The following STK38L variants were observed in gnomAD, a reference collection of about 807,000 sequenced individuals.
The protein encoded by STK38L is serine/threonine-protein kinase 38-like.
STK38L carries 28 observed loss-of-function variants against 59.7 expected under a neutral mutation model. The observed-to-expected ratio is 0.47, with a 90% confidence interval of 0.35 to 0.64. STK38L has a LOEUF of 0.64. Ranked by LOEUF, STK38L falls within the 30% of genes least tolerant of loss-of-function variation. The pLI is 0.01. For synonymous variants in STK38L, 162 were observed against 176.8 expected (o/e 0.92, Z 0.66); for missense variants, 314 against 555.8 (o/e 0.56, Z 4.37).
At chr12:27,255,588 A>G (rs1459354901) in intron 1 of STK38L, among the ~76,000 whole-genome samples, 1 of 152,202 alleles carries the variant, frequency 6.6e-6, no homozygotes, top group Non-Finnish European at 1.5e-5. Context: ...ATCATCTCCA[A>G]CAAGTGGATG....
intron 1 of STK38L, among the ~76,000 whole-genome samples, chr12:27,255,293 T>C (rs754116806): frequency 1.5e-4 from 23 of 152,190 alleles, no homozygotes; most frequent in Non-Finnish European, 2.9e-4. Flanking sequence ...AAAATAGGGC[T>C]AAGAAATTAG....
Position 27,244,540 on chromosome 12 carries a change from A to G in STK38L, c.-12+208A>G, listed in dbSNP as rs190870378. Among the ~76,000 whole-genome samples the G allele has an allele frequency of 3.5e-3, 529 of 152,276 alleles. 7 individuals carry two copies. Among genetic ancestry groups the G allele is most frequent in the African/African-American group, 0.011 (478 of 41,578 alleles). On this transcript the variant is annotated intron_variant, in intron 1 of 13. Transcript: ENST00000389032. ...GGGGTGATACTGGCCCCATGTGTCC[A>G]GAGAGGGAGCCTCGCACCCGGGGAG...
chr12:27,289,860 C>T (rs189221447), intron 1 of STK38L, among the ~76,000 whole-genome samples: 19 of 152,298 alleles, frequency 1.2e-4, no homozygotes, highest in African/African-American at 4.6e-4. Flanking sequence ...TCTTTTTTTA[C>T]TTTAAATATT....
chr12:27,262,931 T>C (rs1431303588), intron 1 of STK38L, among the ~76,000 whole-genome samples: 1 of 151,956 alleles, frequency 6.6e-6, no homozygotes, highest in Admixed American at 6.6e-5. Context: ...CCCGAGTAGC[T>C]GGGATTACAG....
chr12:27,270,869 A>G (rs567195847), intron 1 of STK38L, among the ~76,000 whole-genome samples: 49 of 152,268 alleles, frequency 3.2e-4, no homozygotes, highest in African/African-American at 1.2e-3. Flanking sequence ...GTAATATGTA[A>G]CTTGCTGACC....
chr12:27,313,236 G>A (rs1487704849), intron 6 of STK38L, among the ~76,000 whole-genome samples: 4 of 133,780 alleles, frequency 3.0e-5, no homozygotes, highest in Non-Finnish European at 4.8e-5. Context: ...CGAAAACAGC[G>A]AGACTACGTC....
chr12:27,296,301 C>T (rs1944020039), intron 1 of STK38L, among the ~76,000 whole-genome samples: 1 of 152,200 alleles, frequency 6.6e-6, no homozygotes, highest in South Asian at 2.1e-4. Context: ...AAACAAGTGA[C>T]ACGATCAGCT....
At chr12:27,313,905 T>G (rs1944520853) in intron 6 of STK38L, among the ~76,000 whole-genome samples, 1 of 152,182 alleles carries the variant, frequency 6.6e-6, no homozygotes, top group African/African-American at 2.4e-5. Flanking sequence ...TCTGATTTTT[T>G]TGCAGTTTGA....
At chr12:27,273,016 G>T (rs1463407790) in intron 1 of STK38L, among the ~76,000 whole-genome samples, 1 of 151,716 alleles carries the variant, frequency 6.6e-6, no homozygotes. Flanking sequence ...AGTTCCTTTG[G>T]GGCCTTGATT....
chr12:27,297,358 T>C (rs1433657996), intron 1 of STK38L, among the ~76,000 whole-genome samples: 1 of 152,242 alleles, frequency 6.6e-6, no homozygotes, highest in African/African-American at 2.4e-5. Flanking sequence ...CACTATCTTA[T>C]AGATTTTATT....
chr12:27,317,250 T>G (rs1944608743), intron 9 of STK38L, 86 bp from the exon 10 acceptor site: 2 of 904,130 alleles, frequency 2.2e-6, no homozygotes, highest in South Asian at 3.3e-5. Flanking sequence ...CTCCTCTATA[T>G]ATTGCTTTTT....
intron 1 of STK38L, among the ~76,000 whole-genome samples, chr12:27,257,650 A>G (rs1400770063): frequency 6.6e-6 from 1 of 152,098 alleles, no homozygotes; most frequent in African/African-American, 2.4e-5. Context: ...TTAATTTTCA[A>G]ATTATGAGGA....
intron 1 of STK38L, among the ~76,000 whole-genome samples, chr12:27,262,682 G>C: frequency 6.8e-6 from 1 of 147,586 alleles, no homozygotes; most frequent in East Asian, 2.0e-4. Flanking sequence ...TCCAGCCTGG[G>C]TGATGGAGTG....
chr12:27,264,627 C>T (rs1943266186), intron 1 of STK38L, among the ~76,000 whole-genome samples: 1 of 152,130 alleles, frequency 6.6e-6, no homozygotes, highest in African/African-American at 2.4e-5. Context: ...AAATAAAAAA[C>T]AGCATGGTAT....
At position 27,315,359 on chromosome 12, in the gene STK38L, A is replaced by G. The variant is rs1357484360; in HGVS notation, c.837+9A>G. Reference sequence around the variant, plus strand: ...AGAACAGGAGACAACTGGTGAGTCAACCAGTTTTTAAGAGAATTTTATGCC... The same window carrying G: ...AGAACAGGAGACAACTGGTGAGTCAGCCAGTTTTTAAGAGAATTTTATGCC... On this transcript the variant is annotated intron_variant, in intron 9 of 13. Coordinates refer to ENST00000389032, the MANE Select transcript of STK38L (RefSeq NM_015000.4). 1 of 1,611,240 alleles carries G rather than the reference A, an allele frequency of 6.2e-7. No homozygotes were observed. Among genetic ancestry groups the G allele is most frequent in the East Asian group, 2.2e-5 (1 of 44,700 alleles).
At chr12:27,314,120 G>T (rs537446635) in intron 6 of STK38L, among the ~76,000 whole-genome samples, 3 of 152,134 alleles carry the variant, frequency 2.0e-5, no homozygotes, top group Non-Finnish European at 4.4e-5. Flanking sequence ...AGGAAAGCTA[G>T]CTGGGCATGG....
chr12:27,320,663 T>A (rs1944706167), intron 12 of STK38L, among the ~76,000 whole-genome samples: 1 of 152,128 alleles, frequency 6.6e-6, no homozygotes. Context: ...CTTGCGTTTC[T>A]CATCTTATCC....
chr12:27,248,454 G>A (rs1425676227), intron 1 of STK38L, among the ~76,000 whole-genome samples: 1 of 152,170 alleles, frequency 6.6e-6, no homozygotes, highest in Non-Finnish European at 1.5e-5. Flanking sequence ...GTCCACATTT[G>A]TTATTGTTTA....
intron 2 of STK38L, among the ~76,000 whole-genome samples, chr12:27,300,344 CAG>C (rs765623359): frequency 8.5e-5 from 13 of 152,124 alleles, no homozygotes; most frequent in Non-Finnish European, 1.8e-4. Flanking sequence ...AAAGGTACAA[CAG>C]AAATCATGGA....
Sources: gnomAD v4.1 joint callset for allele counts (sites outside exome capture counted in the v4.1 genomes callset) on GRCh38, gnomAD v4.1.1 for gene constraint, MANE v1.5 for transcripts, NCBI Gene and HGNC (gene_info 2026-07-23, HGNC 2026-07-21) for gene names.